The following GNA13 variants were observed in gnomAD, a reference collection of about 807,000 sequenced individuals.
GNA13 encodes the protein G protein subunit alpha 13, also known as guanine nucleotide-binding protein subunit alpha-13.
A neutral mutation model predicts 33.5 loss-of-function variants in GNA13; 4 were observed. That is an observed-to-expected ratio of 0.12 (90% confidence interval 0.06 to 0.27). The LOEUF (loss-of-function observed/expected upper bound fraction) is 0.27, where lower values mean the gene tolerates loss of function less well. GNA13 is among the 10% of genes least tolerant of loss of function. The pLI, the probability that GNA13 is intolerant of heterozygous loss-of-function variation, is 1.00. For synonymous variants in GNA13, 176 were observed against 183.8 expected (o/e 0.96, Z 0.34); for missense variants, 319 against 487.2 (o/e 0.65, Z 3.25).
At chr17:65,031,921 AGTGTGTGTGT>A (rs148637639) in intron 2 of GNA13, among the ~76,000 whole-genome samples, 28 of 91,714 alleles carry the variant, frequency 3.1e-4, no homozygotes, top group African/African-American at 1.1e-3. Context: ...AGAGAGAGAG[AGTGTGTGTGT>A]GTGTGTGTGT....
intron 2 of GNA13, among the ~76,000 whole-genome samples, chr17:65,043,436 G>A (rs1390395917): frequency 2.0e-5 from 3 of 151,824 alleles, no homozygotes; most frequent in Admixed American, 6.6e-5. Flanking sequence ...ACAGGTGTGC[G>A]CCACCATGCT....
In GNA13 at chr17:65,009,759, G is replaced by A. The variant is rs1025265274; in HGVS notation, c.*4498C>T. Among the ~76,000 whole-genome samples the A allele has an allele frequency of 7.2e-5, 11 of 152,184 alleles. No individual in the cohort carries two copies. The highest frequency in any genetic ancestry group is 2.7e-4 in the African/African-American group (11 of 41,448). The stretch of plus-strand genomic sequence containing the variant: ...TCTGCCTTCAAGTAAGAGGTAAAAG[G>A]TAAATGGCATAGTTTGTTGCACTGT... On this transcript the variant is annotated 3_prime_UTR_variant, in exon 4 of 4. Transcript: ENST00000439174.
At chr17:65,056,244 G>GCCCCCCCCC in intron 1 of GNA13, 67 bp downstream of exon 1, 3 of 1,032,478 alleles carry the variant, frequency 2.9e-6, no homozygotes, top group Non-Finnish European at 1.4e-6. Flanking sequence ...GCGGTGCCCC[G>GCCCCCCCCC]CCCCGCACCC....
rs1206606314 is a variant in GNA13, at chr17:65,010,782, A to T, written c.*3475T>A. On this transcript the variant is annotated 3_prime_UTR_variant, in exon 4 of 4. Transcript: ENST00000439174. ...GGGCTTTACAGGCATGATTTCACGG[A>T]TTCAAACAAGAAATTAACACTGATA... The T allele has an allele frequency of 3.3e-5, 7 of 211,774 alleles. No homozygotes were observed. 13.1% of individuals were successfully genotyped at this position (211,774 alleles called of 1,614,324 possible). A position where few individuals can be genotyped will look rare whatever the true frequency, so the allele number is the denominator to read the frequency against.
intron 1 of GNA13, among the ~76,000 whole-genome samples, 175 bp downstream of exon 1, chr17:65,056,136 G>A (rs1402845451): frequency 1.3e-5 from 2 of 151,842 alleles, no homozygotes; most frequent in Non-Finnish European, 2.9e-5. Flanking sequence ...GGGGCGCGAG[G>A]GCACCCCGGG....
intron 1 of GNA13, chr17:65,055,714 C>G (rs1448363201): frequency 1.0e-6 from 1 of 985,272 alleles, no homozygotes; most frequent in Non-Finnish European, 1.2e-6. Flanking sequence ...TATTCTCGCC[C>G]AAAAGGAGGC....
intron 2 of GNA13, among the ~76,000 whole-genome samples, chr17:65,031,364 C>T (rs1463609596): frequency 6.6e-6 from 1 of 152,222 alleles, no homozygotes; most frequent in African/African-American, 2.4e-5. Context: ...GCAGTCAGTC[C>T]TTGACCAAAA....
rs148637639 is a variant in GNA13, at chr17:65,031,921, A to AGTGTGTGTGTGT, written c.511-13630_511-13619dup. On this transcript the variant is annotated intron_variant, in intron 2 of 3. Coordinates refer to ENST00000439174, the MANE Select transcript of GNA13 (RefSeq NM_006572.6). Reference sequence around the variant, plus strand: ...AAGAGAGAGAGAGAGAGAGAGAGAGAGTGTGTGTGTGTGTGTGTGTGTGTG... The same window carrying AGTGTGTGTGTGT: ...AAGAGAGAGAGAGAGAGAGAGAGAGAGTGTGTGTGTGTGTGTGTGTGTGTGTGTGTGTGTGTG... Among the ~76,000 whole-genome samples the AGTGTGTGTGTGT allele has an allele frequency of 1.5e-3, 137 of 91,684 alleles. 1 individual carries two copies. Among genetic ancestry groups the AGTGTGTGTGTGT allele is most frequent in the African/African-American group, 4.3e-3 (88 of 20,502 alleles). The allele number at this position is 91,684 out of a possible 152,430, so 60.1% of individuals were successfully genotyped here. A position where few individuals can be genotyped will look rare whatever the true frequency, so the allele number is the denominator to read the frequency against.
intron 2 of GNA13, among the ~76,000 whole-genome samples, chr17:65,021,120 T>C (rs966502927): frequency 6.6e-6 from 1 of 152,226 alleles, no homozygotes; most frequent in Non-Finnish European, 1.5e-5. Flanking sequence ...CATGGCACTC[T>C]GAAAAGTGTT....
At chr17:65,055,579 C>A (rs1908016156) in intron 1 of GNA13, 21 of 984,428 alleles carry the variant, frequency 2.1e-5, no homozygotes, top group Non-Finnish European at 2.5e-5. Context: ...AGAAATCACA[C>A]GCAAACATCC....
intron 1 of GNA13, 70 bp downstream of exon 1, chr17:65,056,241 C>A: frequency 1.1e-6 from 1 of 944,114 alleles, no homozygotes; most frequent in South Asian, 1.5e-5. Context: ...AGGGCGGTGC[C>A]CCGCCCCGCA....
intron 3 of GNA13, 117 bp downstream of exon 3, chr17:65,018,136 A>AGTG: frequency 3.1e-5 from 2 of 63,540 alleles, no homozygotes; most frequent in Non-Finnish European, 6.0e-5. Context: ...AAAAAAAAAA[A>AGTG]AAAGAGAGAA....
chr17:65,046,153 AAT>A (rs1421824571), intron 2 of GNA13, among the ~76,000 whole-genome samples: 1 of 152,186 alleles, frequency 6.6e-6, no homozygotes, highest in Non-Finnish European at 1.5e-5. Flanking sequence ...CTCCTTTTTA[AAT>A]ATAGCACTAT....
intron 2 of GNA13, among the ~76,000 whole-genome samples, chr17:65,037,297 C>T (rs1907282162): frequency 6.6e-6 from 1 of 152,170 alleles, no homozygotes. Context: ...GTTGAAAGTA[C>T]TGTAAAAGGG....
intron 2 of GNA13, among the ~76,000 whole-genome samples, chr17:65,020,167 A>G (rs1906531818): frequency 6.6e-6 from 1 of 152,218 alleles, no homozygotes; most frequent in South Asian, 2.1e-4. Context: ...GGCAGATAAA[A>G]TATGAATTAC....
chr17:65,018,138 A>AAAAAAAAGAGAG (rs1555600538), intron 3 of GNA13, 115 bp downstream of exon 3: 1 of 69,632 alleles, frequency 1.4e-5, no homozygotes, highest in Admixed American at 1.9e-4. Flanking sequence ...AAAAAAAAAA[A>AAAAAAAAGAGAG]AGAGAGAAAG....
At chr17:65,054,270 T>C (rs1002281801) in intron 1 of GNA13, among the ~76,000 whole-genome samples, 1 of 152,224 alleles carries the variant, frequency 6.6e-6, no homozygotes, top group Non-Finnish European at 1.5e-5. Flanking sequence ...TTCAATCCAG[T>C]TTAAGTTACA....
chr17:65,021,291 G>GT (rs1292916782), intron 2 of GNA13, among the ~76,000 whole-genome samples: 2 of 152,126 alleles, frequency 1.3e-5, no homozygotes, highest in African/African-American at 2.4e-5. Flanking sequence ...AGTCTATGAG[G>GT]TTCCACGAAC....
At chr17:65,022,830 T>C (rs910858186) in intron 2 of GNA13, among the ~76,000 whole-genome samples, 27 of 152,374 alleles carry the variant, frequency 1.8e-4, no homozygotes, top group African/African-American at 3.6e-4. Flanking sequence ...TGAAGAAATA[T>C]GGCCAGAGAA....
Sources: gnomAD v4.1 joint callset for allele counts (sites outside exome capture counted in the v4.1 genomes callset) on GRCh38, gnomAD v4.1.1 for gene constraint, MANE v1.5 for transcripts, NCBI Gene and HGNC (gene_info 2026-07-23, HGNC 2026-07-21) for gene names.